Variants in CEMIP2 observed in about 807,000 individuals in gnomAD.
The protein encoded by CEMIP2 is cell surface hyaluronidase CEMIP2.
In CEMIP2, 79 loss-of-function variants were observed where a neutral mutation model predicts 146.9. That is an observed-to-expected ratio of 0.54 (90% confidence interval 0.45 to 0.65). CEMIP2 has a LOEUF of 0.65. CEMIP2 is among the 30% of genes least tolerant of loss of function. CEMIP2 has a pLI of 0.00. For missense variants in CEMIP2, 1,596 were observed against 1,696.2 expected, an observed-to-expected ratio of 0.94 and a Z score of 1.04; for synonymous variants, 601 against 606.3, an observed-to-expected ratio of 0.99 and a Z score of 0.13.
At chr9:71,756,506 T>TCTCTCTCTCTCACA (rs1010879160) in intron 1 of CEMIP2, among the ~76,000 whole-genome samples, 1 of 112,496 alleles carries the variant, frequency 8.9e-6, no homozygotes, top group African/African-American at 3.4e-5. Context: ...TCTCTCTCTC[T>TCTCTCTCTCTCACA]CACACACACA....
At position 71,697,988 on chromosome 9, in the gene CEMIP2, C is replaced by T; in HGVS notation, c.3594G>A (p.Arg1198=). The change falls in exon 20 of 24, where the codon CGG becomes CGA. Residue 1198 remains arginine, a synonymous_variant. Coordinates refer to ENST00000377044, the MANE Select transcript of CEMIP2 (RefSeq NM_013390.3). ...LTGLCQGCGT[R]QVVFTSDPHK... ...ACCACTTTTCATCCTTGTTTACCTGCCGAGTGCCACAGCCTTGACAGAGTC... is the reference window on the plus strand; with the variant it reads ...ACCACTTTTCATCCTTGTTTACCTGTCGAGTGCCACAGCCTTGACAGAGTC... The T allele has an allele frequency of 6.2e-7, 1 of 1,613,254 alleles. No homozygotes were observed. The highest frequency in any genetic ancestry group is 8.5e-7 in the Non-Finnish European group (1 of 1,179,584).
At position 71,768,513 on chromosome 9, in the gene CEMIP2, T is replaced by C. The variant is rs900325986; in HGVS notation, c.-169A>G. On this transcript the variant is annotated 5_prime_UTR_variant, in exon 1 of 24. Transcript: ENST00000377044. ...CCCGCAGCTGCCGCTCGTACTCAACTGGCAGCCGCAGCCTCTGCCTGGAGG... is the reference window on the plus strand; with the variant it reads ...CCCGCAGCTGCCGCTCGTACTCAACCGGCAGCCGCAGCCTCTGCCTGGAGG... 6.6e-6 allele frequency: 1 copy of C among 152,478 alleles called. No homozygotes were observed. The highest frequency in any genetic ancestry group is 1.5e-5 in the Non-Finnish European group (1 of 68,244). The allele number at this position is 152,478 out of a possible 1,614,324, so 9.4% of individuals were successfully genotyped here. A position where few individuals can be genotyped will look rare whatever the true frequency, so the allele number is the denominator to read the frequency against.
chr9:71,720,069 G>C (rs755286166), intron 12 of CEMIP2, among the ~76,000 whole-genome samples: 1 of 151,968 alleles, frequency 6.6e-6, no homozygotes, highest in Non-Finnish European at 1.5e-5. Context: ...ACTTTTTCCC[G>C]ATTTTCTTAT....
intron 14 of CEMIP2, among the ~76,000 whole-genome samples, chr9:71,716,288 T>G (rs1257663071): frequency 1.3e-5 from 2 of 152,120 alleles, no homozygotes; most frequent in African/African-American, 2.4e-5. Flanking sequence ...TAAGCAGAAA[T>G]TATCCTTCTG....
Position 71,740,207 on chromosome 9 carries a change from T to C in CEMIP2, c.1060A>G (p.Ile354Val), listed in dbSNP as rs558816671. ...TTGCAAGAAGTGCTTCCACCATCAA[T>C]GACACCAACTAAAGCCCAAGCTTGC... ...YRQAWALVGV[I>V]DGGSTSCNES... Residue 354 changes from isoleucine (I) to valine (V), a missense_variant, in exon 5 of 24, where the codon ATT (isoleucine) becomes GTT (valine). Physicochemically the swap from Ile to Val is conservative, Grantham distance 29. Coordinates refer to ENST00000377044, the MANE Select transcript of CEMIP2 (RefSeq NM_013390.3). The C allele has an allele frequency of 6.2e-7, 1 of 1,613,788 alleles. No homozygotes were observed. The highest frequency in any genetic ancestry group is 1.7e-5 in the Admixed American group (1 of 60,024).
At chr9:71,711,504 T>C (rs961700325) in intron 16 of CEMIP2, among the ~76,000 whole-genome samples, 1 of 151,988 alleles carries the variant, frequency 6.6e-6, no homozygotes, top group Non-Finnish European at 1.5e-5. Flanking sequence ...ATCCATCCAA[T>C]TGAGGTTGAA....
At position 71,755,961 on chromosome 9, in the gene CEMIP2, C is replaced by CAAAAAAAAAAA. The variant is rs55972127; in HGVS notation, c.-12-5587_-12-5577dup. ...GGTGACAGAGCATGACTCTGTCTCACAAAAAAAAAAAAAAAAAAAAAAAAA... is the reference window on the plus strand; with the variant it reads ...GGTGACAGAGCATGACTCTGTCTCACAAAAAAAAAAAAAAAAAAAAAAAAAAAAAAAAAAAA... On this transcript the variant is annotated intron_variant, in intron 1 of 23. Coordinates refer to ENST00000377044, the MANE Select transcript of CEMIP2 (RefSeq NM_013390.3). Among the ~76,000 whole-genome samples the CAAAAAAAAAAA allele has an allele frequency of 3.8e-5, 2 of 52,892 alleles. 1 individual carries two copies. The highest frequency in any genetic ancestry group is 1.8e-4 in the African/African-American group (2 of 10,930). The allele number at this position is 52,892 out of a possible 152,430, so 34.7% of individuals were successfully genotyped here. A position where few individuals can be genotyped will look rare whatever the true frequency, so the allele number is the denominator to read the frequency against.
chr9:71,688,680 G>A (rs561716131), intron 22 of CEMIP2, among the ~76,000 whole-genome samples: 14 of 152,236 alleles, frequency 9.2e-5, no homozygotes, highest in African/African-American at 3.4e-4. Context: ...GAGCCACCGT[G>A]CCTGGCCTAC....
At chr9:71,715,199 A>T in intron 14 of CEMIP2, 110 bp from the exon 15 acceptor site, 1 of 1,091,704 alleles carries the variant, frequency 9.2e-7, no homozygotes. Context: ...AGAAGTCAAT[A>T]GCTTTTCTAA....
intron 16 of CEMIP2, among the ~76,000 whole-genome samples, chr9:71,711,717 T>C (rs2172217): frequency 0.56 from 84,802 of 152,084 alleles, 26,094 homozygotes; most frequent in East Asian, 0.72. Flanking sequence ...ACAAGTAAAA[T>C]AGCAGGAAGG....
chr9:71,755,796 A>G (rs988481816), intron 1 of CEMIP2, among the ~76,000 whole-genome samples: 2 of 151,430 alleles, frequency 1.3e-5, no homozygotes, highest in African/African-American at 2.4e-5. Context: ...CCTTATCTCT[A>G]TTAAAAACCA....
intron 5 of CEMIP2, among the ~76,000 whole-genome samples, chr9:71,739,566 C>G (rs1823857674): frequency 6.6e-6 from 1 of 151,830 alleles, no homozygotes; most frequent in African/African-American, 2.4e-5. Context: ...CTTCCTCATC[C>G]CTAATAGATC....
intron 11 of CEMIP2, among the ~76,000 whole-genome samples, chr9:71,725,346 C>G (rs1457110514): frequency 6.6e-6 from 1 of 152,094 alleles, no homozygotes; most frequent in Non-Finnish European, 1.5e-5. Flanking sequence ...CTCGCCTTCT[C>G]CTTGCCCTTC....
rs1491467360 is a variant in CEMIP2, at chr9:71,728,280, T to TATATATATACAC, written c.2049+1564_2049+1565insGTGTATATATAT. 1.4e-3 allele frequency among the ~76,000 whole-genome samples: 18 copies of TATATATATACAC among 12,642 alleles called. 1 individual carries two copies. Among genetic ancestry groups the TATATATATACAC allele is most frequent in the African/African-American group, 3.7e-3 (17 of 4,538 alleles). The allele number at this position is 12,642 out of a possible 152,430, so 8.3% of individuals were successfully genotyped here. ...ATACACGTATATATATATATATATA[T>TATATATATACAC]GTATATATATATATATATATACATA... is the stretch of plus-strand genomic sequence containing the variant. On this transcript the variant is annotated intron_variant, in intron 10 of 23. Coordinates refer to ENST00000377044, the MANE Select transcript of CEMIP2 (RefSeq NM_013390.3).
At chr9:71,749,916 C>T in intron 2 of CEMIP2, 127 bp downstream of exon 2, 1 of 706,494 alleles carries the variant, frequency 1.4e-6, no homozygotes, top group Non-Finnish European at 2.3e-6. Context: ...GAAGTGACAC[C>T]TCGTATTACC....
chr9:71,693,882 G>C (rs1822305569), intron 21 of CEMIP2, among the ~76,000 whole-genome samples: 1 of 152,172 alleles, frequency 6.6e-6, no homozygotes, highest in African/African-American at 2.4e-5. Context: ...TAGAATCTTT[G>C]GGAAGTGATC....
rs745813595 is a variant in CEMIP2, at chr9:71,716,571, T to C, written c.2400-19A>G. On this transcript the variant is annotated intron_variant, in intron 13 of 23. Coordinates refer to ENST00000377044, the MANE Select transcript of CEMIP2 (RefSeq NM_013390.3). Reference sequence around the variant, plus strand: ...TGCAAATCTGTAAAAGAAGAGAGAATGAAGAACATTTTAATTTACCATATT... The same window carrying C: ...TGCAAATCTGTAAAAGAAGAGAGAACGAAGAACATTTTAATTTACCATATT... 1.9e-6 allele frequency: 3 copies of C among 1,578,752 alleles called. No homozygotes were observed. The East Asian group carries it at 6.7e-5, about 36-fold the overall frequency.
At position 71,725,586 on chromosome 9, in the gene CEMIP2, A is replaced by C. The variant is rs763968949; in HGVS notation, c.2173T>G (p.Phe725Val). The change falls in exon 11 of 24, where the codon TTT (phenylalanine) becomes GTT (valine). Residue 725 changes from phenylalanine (F) to valine (V), a missense_variant. Transcript: ENST00000377044. Reference sequence around the variant, plus strand: ...GTTAAAACTTAGAAACCTACCTTAAAATTTGAATGGACCCTGTTGTTATAA... The same window carrying C: ...GTTAAAACTTAGAAACCTACCTTAACATTTGAATGGACCCTGTTGTTATAA... ...IFYNNRVHSN[F>V]KAGLFIDKGV... 7 of 1,613,596 alleles carry C rather than the reference A, an allele frequency of 4.3e-6. No homozygotes were observed. Among genetic ancestry groups the C allele is most frequent in the Non-Finnish European group, 5.9e-6 (7 of 1,179,860 alleles).
chr9:71,689,265 A>G (rs1822158062), intron 22 of CEMIP2, among the ~76,000 whole-genome samples: 1 of 152,258 alleles, frequency 6.6e-6, no homozygotes, highest in Non-Finnish European at 1.5e-5. Flanking sequence ...ATCCGGTTCT[A>G]TAAAGCATAA....
Sources: gnomAD v4.1 joint callset for allele counts (sites outside exome capture counted in the v4.1 genomes callset) on GRCh38, gnomAD v4.1.1 for gene constraint, MANE v1.5 for transcripts, NCBI Gene and HGNC (gene_info 2026-07-23, HGNC 2026-07-21) for gene names.